HDAC9: variants seen among roughly 807,000 people sequenced by gnomAD.
HDAC9 encodes histone deacetylase 9.
Under a neutral mutation model 139.4 loss-of-function variants are expected in HDAC9, and 41 were observed. The ratio of observed to expected loss-of-function variants is 0.29; its 90% CI spans 0.23 to 0.38. The LOEUF (loss-of-function observed/expected upper bound fraction) is 0.38, where lower values mean the gene tolerates loss of function less well. Among genes scored for constraint, HDAC9 ranks in the 10% least tolerant of loss-of-function variants. The pLI, the probability that HDAC9 is intolerant of heterozygous loss-of-function variation, is 1.00. For synonymous variants in HDAC9, 517 were observed against 476.2 expected (o/e 1.09, Z -1.12); for missense variants, 1,147 against 1,297.0 (o/e 0.88, Z 1.78).
intron 21 of HDAC9, 70 bp from the exon 22 acceptor site, chr7:18,874,408 G>A (rs543545297): frequency 1.5e-5 from 13 of 881,368 alleles, no homozygotes; most frequent in Middle Eastern, 4.5e-4. Flanking sequence ...GTGCCAGGTC[G>A]TTTTCACTGA....
chr7:18,536,412 TAAGA>T (rs1810926748), intron 2 of HDAC9, among the ~76,000 whole-genome samples: 1 of 152,144 alleles, frequency 6.6e-6, no homozygotes, highest in African/African-American at 2.4e-5. Context: ...GAGCCCAAAA[TAAGA>T]AAGAACTATT....
intron 1 of HDAC9, among the ~76,000 whole-genome samples, chr7:18,129,447 A>G (rs1584218776): frequency 6.6e-6 from 1 of 152,144 alleles, no homozygotes; most frequent in Non-Finnish European, 1.5e-5. Context: ...AAAATGAGTC[A>G]GCATTTAGTA....
intron 17 of HDAC9, among the ~76,000 whole-genome samples, chr7:18,796,040 C>A (rs1585051640): frequency 6.6e-6 from 1 of 152,176 alleles, no homozygotes; most frequent in East Asian, 1.9e-4. Flanking sequence ...CATATTCTAT[C>A]CCATTCTCCC....
intron 1 of HDAC9, among the ~76,000 whole-genome samples, chr7:18,322,055 G>A (rs1800068575): frequency 6.6e-6 from 1 of 152,038 alleles, no homozygotes; most frequent in Non-Finnish European, 1.5e-5. Context: ...GGCCTTCTCA[G>A]GTCCTTTCTC....
At chr7:18,707,590 T>G (rs978073624) in intron 12 of HDAC9, among the ~76,000 whole-genome samples, 1 of 152,204 alleles carries the variant, frequency 6.6e-6, no homozygotes, top group Admixed American at 6.5e-5. Context: ...CAACCATTAT[T>G]CAGTATGACA....
chr7:18,941,606 C>G (rs546270732), intron 23 of HDAC9, among the ~76,000 whole-genome samples: 1 of 152,196 alleles, frequency 6.6e-6, no homozygotes, highest in Non-Finnish European at 1.5e-5. Flanking sequence ...GGAAAGCTTA[C>G]AAGCTCCTAA....
At chr7:18,947,478 A>G (rs1782486227) in intron 23 of HDAC9, among the ~76,000 whole-genome samples, 1 of 151,962 alleles carries the variant, frequency 6.6e-6, no homozygotes, top group Non-Finnish European at 1.5e-5. Flanking sequence ...CTTTACGTAA[A>G]CATTTCAAAA....
intron 1 of HDAC9, among the ~76,000 whole-genome samples, chr7:18,108,430 G>A (rs752641999): frequency 2.0e-5 from 3 of 152,172 alleles, no homozygotes; most frequent in Non-Finnish European, 4.4e-5. Context: ...TACCTACTGT[G>A]TGTAAAGGCT....
chr7:18,686,860 C>G lies in HDAC9; in HGVS notation c.1731+20384C>G, dbSNP rs35812044. On this transcript the variant is annotated intron_variant, in intron 12 of 25. Transcript: ENST00000686413. ...AATAATTCAACTAATCTAACATAAACCTTCATTTCTTTAATTGCTTATCAC... is the reference window on the plus strand; with the variant it reads ...AATAATTCAACTAATCTAACATAAAGCTTCATTTCTTTAATTGCTTATCAC... Among the ~76,000 whole-genome samples, 365 of 151,962 alleles carry G rather than the reference C, an allele frequency of 2.4e-3. 17 individuals carry two copies. The East Asian group carries it at 0.062, about 26-fold the overall frequency.
chr7:18,298,354 T>C (rs2128228268), intron 1 of HDAC9, among the ~76,000 whole-genome samples: 1 of 152,062 alleles, frequency 6.6e-6, no homozygotes, highest in South Asian at 2.1e-4. Flanking sequence ...GTTACATATG[T>C]GTACATGTGC....
intron 22 of HDAC9, among the ~76,000 whole-genome samples, chr7:18,889,675 C>T (rs1467582915): frequency 6.6e-6 from 1 of 152,056 alleles, no homozygotes; most frequent in Non-Finnish European, 1.5e-5. Context: ...TTTATAGGAC[C>T]AACACATGGG....
rs559423881 is a variant in HDAC9 at position 18,889,840 on chromosome 7, G to A, written c.2803+15244G>A. 5.9e-5 allele frequency among the ~76,000 whole-genome samples: 9 copies of A among 152,256 alleles called. No individual in the cohort carries two copies. In the Middle Eastern group the frequency reaches 0.01, roughly 173 times the overall value. On this transcript the variant is annotated intron_variant, in intron 22 of 25. Transcript: ENST00000686413. ...AGCCTTCTACATAGCTAGCACTACC[G>A]GCCTGTGATACCATGCCCAACTCAT... is the stretch of plus-strand genomic sequence containing the variant.
chr7:18,574,059 G>C (rs1825194256), intron 2 of HDAC9, among the ~76,000 whole-genome samples: 1 of 152,264 alleles, frequency 6.6e-6, no homozygotes, highest in African/African-American at 2.4e-5. Context: ...GCTGAGCAAA[G>C]CGAAGAGGAG....
At chr7:18,824,006 G>T (rs536236456) in intron 17 of HDAC9, among the ~76,000 whole-genome samples, 38 of 150,364 alleles carry the variant, frequency 2.5e-4, no homozygotes, top group African/African-American at 9.3e-4. Flanking sequence ...AGGAGAAGGG[G>T]AATGGGAAGG....
intron 2 of HDAC9, among the ~76,000 whole-genome samples, chr7:18,259,098 T>C (rs1035652360): frequency 6.6e-6 from 1 of 151,798 alleles, no homozygotes; most frequent in African/African-American, 2.4e-5. Flanking sequence ...GCCTCCCCAG[T>C]AGCTGGGATT....
chr7:18,509,491 AT>A, intron 2 of HDAC9: 1 of 967,706 alleles, frequency 1.0e-6, no homozygotes, highest in Non-Finnish European at 1.2e-6. Context: ...ATCTCATTCA[AT>A]CAGTATTTAT....
At chr7:18,991,106 C>A (rs747699441) in intron 25 of HDAC9, among the ~76,000 whole-genome samples, 1 of 152,154 alleles carries the variant, frequency 6.6e-6, no homozygotes, top group African/African-American at 2.4e-5. Flanking sequence ...TTATTTTGTT[C>A]TTGATTTAAA....
At chr7:18,766,873 A>G (rs187694678) in intron 15 of HDAC9, among the ~76,000 whole-genome samples, 1 of 152,308 alleles carries the variant, frequency 6.6e-6, no homozygotes, top group Admixed American at 6.5e-5. Flanking sequence ...TAGACTCTAC[A>G]TGCAATAAAA....
chr7:18,548,671 C>G lies in HDAC9; in HGVS notation c.23-36610C>G, dbSNP rs952259821. Reference sequence around the variant, plus strand: ...TCTAAAATGTATAAATAACTCAACACTCAACAGTAAAATAAACAACCAGAG... The same window carrying G: ...TCTAAAATGTATAAATAACTCAACAGTCAACAGTAAAATAAACAACCAGAG... On this transcript the variant is annotated intron_variant, in intron 2 of 25. Coordinates refer to ENST00000686413, the MANE Select transcript of HDAC9 (RefSeq NM_178425.4). 3.9e-5 allele frequency among the ~76,000 whole-genome samples: 6 copies of G among 152,188 alleles called. 1 individual carries two copies. In the East Asian group the frequency reaches 1.2e-3, roughly 29 times the overall value.
Sources: allele counts gnomAD v4.1 joint callset (sites outside exome capture counted in the v4.1 genomes callset), GRCh38; gene constraint gnomAD v4.1.1; transcripts MANE v1.5; gene names NCBI Gene and HGNC (gene_info 2026-07-23, HGNC 2026-07-21).